The following LRP2 variants were observed in gnomAD, a reference collection of about 807,000 sequenced individuals.
LRP2 encodes low-density lipoprotein receptor-related protein 2.
A neutral mutation model predicts 531.0 loss-of-function variants in LRP2; 172 were observed. The observed-to-expected ratio is 0.32, with a 90% confidence interval of 0.29 to 0.37. The LOEUF (loss-of-function observed/expected upper bound fraction) is 0.37. Ranked by LOEUF, LRP2 falls within the 10% of genes least tolerant of loss-of-function variation. The probability of loss-of-function intolerance (pLI) is 1.00; values close to 1 mark genes in which losing one functional copy is unlikely to be tolerated. For missense variants in LRP2, 5,167 were observed against 5,868.3 expected, an observed-to-expected ratio of 0.88 and a Z score of 3.90; for synonymous variants, 1,992 against 2,027.6, an observed-to-expected ratio of 0.98 and a Z score of 0.47.
At position 169,206,754 on chromosome 2, in the gene LRP2, C is replaced by A. The variant is rs1160226861; in HGVS notation, c.6966G>T (p.Trp2322Cys). The change falls in exon 39 of 79, where the codon TGG (tryptophan) becomes TGT (cysteine). Residue 2322 changes from tryptophan (W) to cysteine (C), a missense_variant. By Grantham distance (215) the Trp-to-Cys change is radical. Coordinates refer to ENST00000649046, the MANE Select transcript of LRP2 (RefSeq NM_004525.3). The part of the protein sequence containing the change: ...PPTVIRDNIN[W>C]LRDVTIFDKQ... ...TGTCAAAGATGGTCACATCTCTTAG[C>A]CAGTTGATATTGTCTCTTATCACTG... 6.2e-7 allele frequency: 1 copy of A among 1,614,150 alleles called. No individual in the cohort carries two copies. Among genetic ancestry groups the A allele is most frequent in the Non-Finnish European group, 8.5e-7 (1 of 1,180,008 alleles).
chr2:169,238,273 T>C lies in LRP2; in HGVS notation c.4324A>G (p.Ser1442Gly), dbSNP rs764820269. 8 of 1,614,028 alleles carry C rather than the reference T, an allele frequency of 5.0e-6. No homozygotes were observed. Among genetic ancestry groups the C allele is most frequent in the African/African-American group, 4.0e-5 (3 of 74,934 alleles). Reference sequence around the variant, plus strand: ...CTGTCGGCAATAATTTTGTTCTGACTTGCCACAAGTAACAGCAGACTCTCA... The same window carrying C: ...CTGTCGGCAATAATTTTGTTCTGACCTGCCACAAGTAACAGCAGACTCTCA... Reference protein sequence around the residue: ...ASESLLLLVASQNKIIADSVT... With the variant: ...ASESLLLLVAGQNKIIADSVT... Residue 1442 changes from serine to glycine, a missense_variant, in exon 27 of 79, where the codon AGT (serine) becomes GGT (glycine). Around this residue, in one of 6 missense-constraint regions of LRP2, gnomAD observed 2,811 missense variants for 3,058.0 expected, o/e 0.92. Coordinates refer to ENST00000649046, the MANE Select transcript of LRP2 (RefSeq NM_004525.3).
Position 169,137,330 on chromosome 2 carries a change from A to T in LRP2, c.13620+62T>A, listed in dbSNP as rs150619532. ...AAGGTTAGGAAAATCCTAAGACATG[A>T]CTCAATAGATTAAGATCCAGCGACA... On this transcript the variant is annotated intron_variant, in intron 76 of 78. Coordinates refer to ENST00000649046, the MANE Select transcript of LRP2 (RefSeq NM_004525.3). The T allele has an allele frequency of 5.5e-5, 64 of 1,171,992 alleles. No homozygotes were observed. The East Asian group carries it at 1.4e-3, about 26-fold the overall frequency. 72.6% of individuals were successfully genotyped at this position (1,171,992 alleles called of 1,614,324 possible). A position where few individuals can be genotyped will look rare whatever the true frequency, so the allele number is the denominator to read the frequency against.
At chr2:169,222,156 T>A (rs1395074631) in intron 33 of LRP2, among the ~76,000 whole-genome samples, 1 of 152,192 alleles carries the variant, frequency 6.6e-6, no homozygotes, top group Non-Finnish European at 1.5e-5. Context: ...ACAATTTAAA[T>A]GACCTAAGGG....
At chr2:169,315,959 C>CAAAAAAAAAAAAAAAAAAAAAAAAAAAAA in intron 3 of LRP2, among the ~76,000 whole-genome samples, 1 of 73,748 alleles carries the variant, frequency 1.4e-5, no homozygotes, top group Non-Finnish European at 2.6e-5. Context: ...CCCATCTCTA[C>CAAAAAAAAAAAAAAAAAAAAAAAAAAAAA]AAAAAAAAAA....
rs1436632386 is a variant in LRP2 at position 169,127,713 on chromosome 2, A to T, written c.*950T>A. The stretch of plus-strand genomic sequence containing the variant: ...AAATAGTGATTATAATGATATTTTC[A>T]TAGAAACAAAAACCCAGTTGAGGCT... On this transcript the variant is annotated 3_prime_UTR_variant, in exon 79 of 79. Coordinates refer to ENST00000649046, the MANE Select transcript of LRP2 (RefSeq NM_004525.3). 4 of 152,024 alleles carry T rather than the reference A, an allele frequency of 2.6e-5. No homozygotes were observed. Among genetic ancestry groups the T allele is most frequent in the Non-Finnish European group, 5.9e-5 (4 of 67,972 alleles). 9.4% of individuals were successfully genotyped at this position (152,024 alleles called of 1,614,324 possible).
chr2:169,319,990 T>C (rs1684867525), intron 2 of LRP2, among the ~76,000 whole-genome samples: 1 of 152,180 alleles, frequency 6.6e-6, no homozygotes, highest in African/African-American at 2.4e-5. Context: ...CTTTCCTGAT[T>C]TTTGAAAGAT....
rs760765421 is a variant in LRP2 at position 169,185,995 on chromosome 2, G to A, written c.9353C>T (p.Ser3118Leu). 6.8e-6 allele frequency: 11 copies of A among 1,613,660 alleles called. No individual in the cohort carries two copies. In the Admixed American group the frequency reaches 1.3e-4, roughly 20 times the overall value. The change falls in exon 50 of 79, where the codon TCA (serine) becomes TTA (leucine). Residue 3118 changes from serine (S) to leucine (L), a missense_variant. Physicochemically the swap from Ser to Leu is moderately radical, Grantham distance 145. Coordinates refer to ENST00000649046, the MANE Select transcript of LRP2 (RefSeq NM_004525.3). ...GCAGTTGTGATCGCAGCCACTGATT[G>A]AAGGGTCATGGCATTCATTAATGCC... ...GCGINECHDPSISGCDHNCTD... is the reference protein window; with the variant it reads ...GCGINECHDPLISGCDHNCTD...
At chr2:169,176,836 C>T (rs1473748734) in intron 53 of LRP2, among the ~76,000 whole-genome samples, 1 of 152,162 alleles carries the variant, frequency 6.6e-6, no homozygotes, top group Non-Finnish European at 1.5e-5. Flanking sequence ...GTGTTTCTGA[C>T]TAGAAAAGAT....
intron 52 of LRP2, among the ~76,000 whole-genome samples, chr2:169,179,987 T>G (rs1455082017): frequency 1.3e-5 from 2 of 152,150 alleles, no homozygotes; most frequent in Non-Finnish European, 2.9e-5. Flanking sequence ...TGCCTAAATT[T>G]TATAATCCAT....
At position 169,283,533 on chromosome 2, in the gene LRP2, G is replaced by C. The variant is rs551168037; in HGVS notation, c.1043-532C>G. Among the ~76,000 whole-genome samples the C allele has an allele frequency of 9.2e-5, 14 of 152,206 alleles. No individual in the cohort carries two copies. The East Asian group carries it at 2.1e-3, about 23-fold the overall frequency. ...TTACATCACTGCAGAAAGTTCTATTGGACAGCACTATTTCTGAATAAAGTA... is the reference window on the plus strand; with the variant it reads ...TTACATCACTGCAGAAAGTTCTATTCGACAGCACTATTTCTGAATAAAGTA... On this transcript the variant is annotated intron_variant, in intron 9 of 78. Coordinates refer to ENST00000649046, the MANE Select transcript of LRP2 (RefSeq NM_004525.3).
chr2:169,209,738 G>A, intron 37 of LRP2, 97 bp from the exon 38 acceptor site: 2 of 1,135,048 alleles, frequency 1.8e-6, no homozygotes, highest in Non-Finnish European at 2.6e-6. Flanking sequence ...CCAACCCCCT[G>A]CTCTGAGCAT....
At chr2:169,351,872 G>A (rs1463128442) in intron 1 of LRP2, among the ~76,000 whole-genome samples, 1 of 152,156 alleles carries the variant, frequency 6.6e-6, no homozygotes, top group Non-Finnish European at 1.5e-5. Flanking sequence ...AAGCTGCTGA[G>A]CGCGTATGTA....
At chr2:169,328,441 T>TAAAAAAAAAAAAAA (rs537210492) in intron 1 of LRP2, among the ~76,000 whole-genome samples, 38 of 48,972 alleles carry the variant, frequency 7.8e-4, no homozygotes, top group Middle Eastern at 0.019. Context: ...CGGGCCGGGA[T>TAAAAAAAAAAAAAA]AAAAAAAAAA....
rs188078630 is a variant in LRP2, at chr2:169,240,946, A to G, written c.4045+42T>C. On this transcript the variant is annotated intron_variant, in intron 25 of 78. Transcript: ENST00000649046. ...GGTGATGCACACCAGGCTACTGTTC[A>G]GAATGAGTTTATGGCCAGTAAACTG... 3.7e-6 allele frequency: 6 copies of G among 1,604,248 alleles called. No individual in the cohort carries two copies. In the East Asian group the frequency reaches 8.9e-5, roughly 24 times the overall value.
intron 12 of LRP2, among the ~76,000 whole-genome samples, chr2:169,278,627 T>C (rs944616176): frequency 6.6e-6 from 1 of 152,240 alleles, no homozygotes; most frequent in Non-Finnish European, 1.5e-5. Flanking sequence ...CAGTTTTCCA[T>C]TCTGAGGCAC....
At chr2:169,139,011 C>A (rs746496169) in intron 74 of LRP2, among the ~76,000 whole-genome samples, 27 of 152,220 alleles carry the variant, frequency 1.8e-4, no homozygotes, top group Non-Finnish European at 3.5e-4. Flanking sequence ...GAACACCTAC[C>A]AGTAGGCACA....
chr2:169,206,237 G>C (rs1488901533), intron 39 of LRP2, 49 bp from the exon 40 acceptor site: 1 of 1,612,732 alleles, frequency 6.2e-7, no homozygotes, highest in African/African-American at 1.3e-5. Flanking sequence ...AAAGACATTA[G>C]AGTCTCATAT....
Position 169,241,276 on chromosome 2 carries a change from G to C in LRP2, c.3757C>G (p.His1253Asp). ...CIPNFWECDG[H>D]PDCLYGSDEH... ...TCAGATCCATAGAGGCAGTCTGGAT[G>C]CCCATCACATTCCCAGAAGTTCGGG... is the stretch of plus-strand genomic sequence containing the variant. Residue 1253 changes from histidine to aspartate, a missense_variant, in exon 25 of 79, where the codon CAT becomes GAT. Physicochemically the swap from His to Asp is moderately conservative, Grantham distance 81 (BLOSUM62 -1). Around this residue, in one of 6 missense-constraint regions of LRP2, gnomAD observed 2,811 missense variants for 3,058.0 expected, o/e 0.92. Coordinates refer to ENST00000649046, the MANE Select transcript of LRP2 (RefSeq NM_004525.3). 6.2e-7 allele frequency: 1 copy of C among 1,614,178 alleles called. No homozygotes were observed. The highest frequency in any genetic ancestry group is 8.5e-7 in the Non-Finnish European group (1 of 1,180,016).
intron 8 of LRP2, among the ~76,000 whole-genome samples, chr2:169,290,419 C>T (rs1179776738): frequency 6.6e-6 from 1 of 151,874 alleles, no homozygotes; most frequent in Non-Finnish European, 1.5e-5. Context: ...GGATTAGGAA[C>T]GGGGAGTTGC....
Sources: allele counts gnomAD v4.1 joint callset (sites outside exome capture counted in the v4.1 genomes callset), GRCh38; gene constraint gnomAD v4.1.1; regional missense constraint gnomAD v4.1.1; transcripts MANE v1.5; gene names NCBI Gene and HGNC (gene_info 2026-07-23, HGNC 2026-07-21).